The following RIN3 variants were observed in gnomAD, a reference collection of about 807,000 sequenced individuals.
RIN3 encodes the protein Ras and Rab interactor 3.
In RIN3, 54 loss-of-function variants were observed where a neutral mutation model predicts 76.3. The observed-to-expected ratio is 0.71, with a 90% CI of 0.57 to 0.89. The LOEUF (loss-of-function observed/expected upper bound fraction) is 0.89. Ranked by LOEUF, RIN3 falls within the 40% of genes least tolerant of loss-of-function variation. RIN3 has a pLI of 0.00. For missense variants in RIN3, 1,256 were observed against 1,322.1 expected (o/e 0.95, Z 0.78); for synonymous variants, 576 against 564.0 (o/e 1.02, Z -0.30).
intron 1 of RIN3, among the ~76,000 whole-genome samples, chr14:92,526,411 A>G (rs1297430367): frequency 6.6e-6 from 1 of 151,972 alleles, no homozygotes; most frequent in Admixed American, 6.5e-5. Context: ...GTGAGCTGAG[A>G]TCACACCACT....
At position 92,643,099 on chromosome 14, in the gene RIN3, G is replaced by C. The variant is rs1174874298; in HGVS notation, c.532+1770G>C. 6.6e-6 allele frequency among the ~76,000 whole-genome samples: 1 copy of C among 151,948 alleles called. No homozygotes were observed. The highest frequency in any genetic ancestry group is 2.4e-5 in the African/African-American group (1 of 41,350). ...GATGGAGTCTCACTCTGTCACCCAG[G>C]CTGGAGTGCAGTGGTGCGATCTTGG... is the stretch of plus-strand genomic sequence containing the variant. On this transcript the variant is annotated intron_variant, in intron 5 of 9. Transcript: ENST00000216487. The surrounding 1 kb of genome is among the most constrained non-coding windows in gnomAD (Gnocchi z 4.8).
chr14:92,661,454 G>A (rs1444791501), intron 7 of RIN3, among the ~76,000 whole-genome samples: 5 of 151,976 alleles, frequency 3.3e-5, no homozygotes, highest in Non-Finnish European at 7.4e-5. Flanking sequence ...GGCCAGGTGC[G>A]GTGGCTCATG....
In RIN3 at chr14:92,651,996, C is replaced by G; in HGVS notation, c.947C>G (p.Pro316Arg). The G allele has an allele frequency of 1.9e-6, 3 of 1,541,968 alleles. No individual in the cohort carries two copies. Among genetic ancestry groups the G allele is most frequent in the East Asian group, 2.3e-5 (1 of 43,814 alleles). ...APACPLPTSP[P>R]VPAPHVTPHA... Reference sequence around the variant, plus strand: ...GCCTGTCCTTTGCCCACCTCTCCCCCAGTGCCTGCCCCCCACGTCACACCC... The same window carrying G: ...GCCTGTCCTTTGCCCACCTCTCCCCGAGTGCCTGCCCCCCACGTCACACCC... Residue 316 changes from proline (P) to arginine (R), a missense_variant, in exon 6 of 10, where the codon CCA (proline) becomes CGA (arginine). Around this residue, in one of 3 missense-constraint regions of RIN3, gnomAD observed 610 missense variants for 626.4 expected, o/e 0.97. Transcript: ENST00000216487.
intron 8 of RIN3, among the ~76,000 whole-genome samples, chr14:92,679,552 C>T (rs1222935085): frequency 3.3e-5 from 5 of 152,168 alleles, no homozygotes; most frequent in Admixed American, 2.6e-4. Context: ...ACAGCCTGGA[C>T]ACTTCATCTC....
intron 3 of RIN3, among the ~76,000 whole-genome samples, chr14:92,609,875 GTGTGTGTGTGTA>G (rs1292139229): frequency 0.091 from 4,635 of 51,194 alleles, 215 homozygotes; most frequent in African/African-American, 0.16. Flanking sequence ...GTGTGTGTGT[GTGTGTGTGTGTA>G]TGTATGTGTG....
At chr14:92,550,319 A>G (rs887909928) in intron 1 of RIN3, among the ~76,000 whole-genome samples, 6 of 152,220 alleles carry the variant, frequency 3.9e-5, no homozygotes, top group African/African-American at 7.2e-5. Flanking sequence ...GCACTGTGCT[A>G]AGTAGTTGAC....
rs1264348516 is a variant in RIN3 at position 92,538,240 on chromosome 14, A to G, written c.45-17511A>G. On this transcript the variant is annotated intron_variant, in intron 1 of 9. Transcript: ENST00000216487. ...TGCCTTGACCTCCCAAAGTGCTGGGATTACAGGCGTGAGCCACCATGCCTG... is the reference window on the plus strand; with the variant it reads ...TGCCTTGACCTCCCAAAGTGCTGGGGTTACAGGCGTGAGCCACCATGCCTG... Among the ~76,000 whole-genome samples the G allele has an allele frequency of 5.3e-5, 8 of 152,330 alleles. No individual in the cohort carries two copies. The East Asian group carries it at 1.5e-3, about 29-fold the overall frequency.
intron 5 of RIN3, among the ~76,000 whole-genome samples, chr14:92,647,244 G>A (rs1887233939): frequency 6.6e-6 from 1 of 152,200 alleles, no homozygotes. Context: ...ACGTAAGAAA[G>A]TCCAAATTCG....
chr14:92,655,360 G>T (rs997757784), intron 6 of RIN3, among the ~76,000 whole-genome samples: 1 of 152,134 alleles, frequency 6.6e-6, no homozygotes, highest in African/African-American at 2.4e-5. Context: ...GAAGGAAAGA[G>T]ACAGAGAGAC....
intron 3 of RIN3, among the ~76,000 whole-genome samples, chr14:92,609,981 C>T (rs913748134): frequency 1.3e-5 from 2 of 151,292 alleles, no homozygotes; most frequent in Non-Finnish European, 2.9e-5. Context: ...TTTATTCAGA[C>T]GTGTTTATTT....
rs1898164029 is a variant in RIN3, at chr14:92,574,626, C to CTCACTATCTGCCTAAA, written c.250-2732_250-2717dup. Among the ~76,000 whole-genome samples, 14 of 152,318 alleles carry CTCACTATCTGCCTAAA rather than the reference C, an allele frequency of 9.2e-5. 2 individuals are homozygous for CTCACTATCTGCCTAAA. The South Asian group carries it at 2.9e-3, about 32-fold the overall frequency. ...AAGCTCAGCAGAGGACTCTGTTACC[C>CTCACTATCTGCCTAAA]TCACTATCTGCCTAAATAATTTCTT... On this transcript the variant is annotated intron_variant, in intron 2 of 9. Transcript: ENST00000216487.
At chr14:92,586,178 G>A (rs1362951828) in intron 3 of RIN3, among the ~76,000 whole-genome samples, 3 of 152,162 alleles carry the variant, frequency 2.0e-5, no homozygotes, top group African/African-American at 7.2e-5. Context: ...CACATGGGAC[G>A]CGCTCCACAA....
At chr14:92,553,939 C>T (rs903582200) in intron 1 of RIN3, among the ~76,000 whole-genome samples, 3 of 152,176 alleles carry the variant, frequency 2.0e-5, no homozygotes, top group African/African-American at 7.2e-5. Flanking sequence ...TGCCCTTTTA[C>T]AGGGCTTACC....
chr14:92,651,599 C>G lies in RIN3; in HGVS notation c.550C>G (p.Leu184Val). ...NLGLGFWDSSLNPPQERGKPA... is the reference protein window; with the variant it reads ...NLGLGFWDSSVNPPQERGKPA... ...TTCCACAGGTTTCTGGGACTCCTCG[C>G]TGAATCCTCCACAAGAAAGAGGGAA... is the stretch of plus-strand genomic sequence containing the variant. Residue 184 changes from leucine (L) to valine (V), a missense_variant, in exon 6 of 10, where the codon CTG becomes GTG. By Grantham distance (32) the Leu-to-Val change is conservative. This residue lies in a region of RIN3 where 610 missense variants were observed against 626.4 expected (regional missense o/e 0.97). Transcript: ENST00000216487. 1 of 1,605,266 alleles carries G rather than the reference C, an allele frequency of 6.2e-7. No individual in the cohort carries two copies. Among genetic ancestry groups the G allele is most frequent in the Non-Finnish European group, 8.5e-7 (1 of 1,174,430 alleles).
At chr14:92,590,366 G>T (rs548230808) in intron 3 of RIN3, among the ~76,000 whole-genome samples, 1 of 152,308 alleles carries the variant, frequency 6.6e-6, no homozygotes, top group African/African-American at 2.4e-5. Flanking sequence ...GGAGGTGTTT[G>T]GGTCACAGGG....
chr14:92,620,026 CAA>C (rs1038332929), intron 4 of RIN3, among the ~76,000 whole-genome samples: 6 of 152,226 alleles, frequency 3.9e-5, no homozygotes, highest in Admixed American at 3.9e-4. Context: ...AAAGATTACT[CAA>C]GTCACATGAA....
chr14:92,687,874 G>A (rs1193567702), intron 9 of RIN3, 52 bp from the exon 10 acceptor site: 4 of 1,448,900 alleles, frequency 2.8e-6, no homozygotes, highest in Admixed American at 5.3e-5. Context: ...GGGAGAGGGC[G>A]CCTGAGGAGA....
chr14:92,659,455 C>A lies in RIN3; in HGVS notation c.2321C>A (p.Ala774Asp). The change falls in exon 7 of 10, where the codon GCC (alanine) becomes GAC (aspartate). Residue 774 changes from alanine (A) to aspartate (D), a missense_variant. Ala to Asp is a moderately radical substitution (Grantham distance 126). Coordinates refer to ENST00000216487, the MANE Select transcript of RIN3 (RefSeq NM_024832.5). ...TGCAAACTCATCTACGACTCCATGGCCCTCGGCAACCCAGGTCAGTGGGCA... is the reference window on the plus strand; with the variant it reads ...TGCAAACTCATCTACGACTCCATGGACCTCGGCAACCCAGGTCAGTGGGCA... ...KTCKLIYDSM[A>D]LGNPGKPYGA... 1 of 1,603,468 alleles carries A rather than the reference C, an allele frequency of 6.2e-7. No individual in the cohort carries two copies. The highest frequency in any genetic ancestry group is 1.1e-5 in the South Asian group (1 of 89,270).
At position 92,577,607 on chromosome 14, in the gene RIN3, TCA is replaced by T. The variant is rs1453237798; in HGVS notation, c.367+131_367+132del. The stretch of plus-strand genomic sequence containing the variant: ...TTAAAATTAGAAGGAGGAAAAGCTT[TCA>T]GTCACTGAAGTTACTTAGCCAGACT... On this transcript the variant is annotated intron_variant, in intron 3 of 9. Coordinates refer to ENST00000216487, the MANE Select transcript of RIN3 (RefSeq NM_024832.5). 2.0e-5 allele frequency: 12 copies of T among 598,338 alleles called. No homozygotes were observed. In the Admixed American group the frequency reaches 3.2e-4, roughly 16 times the overall value. 37.1% of individuals were successfully genotyped at this position (598,338 alleles called of 1,614,324 possible).
Sources: gnomAD v4.1 joint callset for allele counts (sites outside exome capture counted in the v4.1 genomes callset) on GRCh38, gnomAD v4.1.1 for gene constraint, gnomAD v4.1.1 regional missense constraint, Gnocchi (gnomAD v3.1) non-coding constraint, MANE v1.5 for transcripts, NCBI Gene and HGNC (gene_info 2026-07-23, HGNC 2026-07-21) for gene names.